Variants in THOC2 observed in about 807,000 individuals in gnomAD.
THOC2 encodes the protein THO complex subunit 2.
THOC2 carries 10 observed loss-of-function variants against 128.4 expected under a neutral mutation model. The ratio of observed to expected loss-of-function variants is 0.08; its 90% confidence interval spans 0.05 to 0.13. The LOEUF (loss-of-function observed/expected upper bound fraction) is 0.13. Among genes scored for constraint, THOC2 ranks in the 10% least tolerant of loss-of-function variants. The pLI is 1.00. For synonymous variants in THOC2, 393 were observed against 396.9 expected, an observed-to-expected ratio of 0.99 and a Z score of 0.12; for missense variants, 535 against 1,155.7, an observed-to-expected ratio of 0.46 and a Z score of 7.79.
intron 8 of THOC2, among the ~76,000 whole-genome samples, chrX:123,675,882 GT>G (rs778177179): frequency 9.0e-6 from 1 of 111,416 alleles, no homozygotes; most frequent in Admixed American, 9.6e-5. Flanking sequence ...TATATTGACA[GT>G]TTTTTTAAAG....
chrX:123,717,600 A>G (rs936742909), intron 1 of THOC2, among the ~76,000 whole-genome samples: 5 of 108,392 alleles, frequency 4.6e-5, no homozygotes, highest in Non-Finnish European at 9.5e-5. Context: ...TGTCCATGCT[A>G]CCCGAAGAGA....
At chrX:123,707,237 T>C (rs1228027327) in intron 2 of THOC2, among the ~76,000 whole-genome samples, 6 of 111,405 alleles carry the variant, frequency 5.4e-5, no homozygotes, top group African/African-American at 1.6e-4. Context: ...ATGCACATCA[T>C]ATAGCATTCT....
intron 7 of THOC2, among the ~76,000 whole-genome samples, chrX:123,695,349 G>T (rs1603307621): frequency 8.9e-6 from 1 of 111,996 alleles, no homozygotes; most frequent in East Asian, 2.8e-4. Flanking sequence ...CTTTTTTACA[G>T]AAGTCAACTA....
At chrX:123,605,376 G>A (rs1374884810) in intron 38 of THOC2, among the ~76,000 whole-genome samples, 1 of 111,526 alleles carries the variant, frequency 9.0e-6, no homozygotes, top group Non-Finnish European at 1.9e-5. Flanking sequence ...GAATATCAGT[G>A]CACAAAACCT....
At chrX:123,685,850 G>T (rs1010363696) in intron 8 of THOC2, among the ~76,000 whole-genome samples, 2 of 110,637 alleles carry the variant, frequency 1.8e-5, no homozygotes, top group African/African-American at 3.3e-5. Context: ...GATGTGCCTT[G>T]AATATTTATT....
At position 123,656,365 on chromosome X, in the gene THOC2, A is replaced by T. The variant is rs1271624026; in HGVS notation, c.1386+9277T>A. Among the ~76,000 whole-genome samples the T allele has an allele frequency of 1.0e-4, 10 of 99,401 alleles. No individual in the cohort carries two copies. In the East Asian group the frequency reaches 2.7e-3, roughly 26 times the overall value. 86.3% of individuals were successfully genotyped at this position (99,401 alleles called of 115,157 possible). A position where few individuals can be genotyped will look rare whatever the true frequency, so the allele number is the denominator to read the frequency against. On this transcript the variant is annotated intron_variant, in intron 12 of 38. Coordinates refer to ENST00000245838, the MANE Select transcript of THOC2 (RefSeq NM_001081550.2). Reference sequence around the variant, plus strand: ...AAAAAAAAAAAAAAGAGAGAGAGAGAGAGAGAGGAACTTATGCTATTTACT... The same window carrying T: ...AAAAAAAAAAAAAAGAGAGAGAGAGTGAGAGAGGAACTTATGCTATTTACT...
At chrX:123,626,375 A>C in intron 24 of THOC2, 146 bp downstream of exon 24, 2 of 601,894 alleles carry the variant, frequency 3.3e-6, no homozygotes, top group Non-Finnish European at 4.9e-6. Context: ...CATGAAGTTG[A>C]TTCTGCATTA....
intron 21 of THOC2, among the ~76,000 whole-genome samples, chrX:123,632,638 A>T (rs2047530624): frequency 9.0e-6 from 1 of 111,389 alleles, no homozygotes; most frequent in Non-Finnish European, 1.9e-5. Flanking sequence ...TTAATGATGT[A>T]ATATTTAATT....
chrX:123,631,569 G>A (rs1169352045), intron 22 of THOC2, 119 bp downstream of exon 22: 16 of 740,583 alleles, frequency 2.2e-5, no homozygotes, highest in Non-Finnish European at 3.2e-5. Context: ...ACAAAGAAGG[G>A]ATCCTAGTTT....
chrX:123,647,490 T>C (rs946593501), intron 12 of THOC2, among the ~76,000 whole-genome samples: 5 of 110,919 alleles, frequency 4.5e-5, no homozygotes, highest in African/African-American at 1.6e-4. Context: ...ATTCCAGGCA[T>C]TGGGAATTCA....
At position 123,621,151 on chromosome X, in the gene THOC2, A is replaced by G; in HGVS notation, c.4216+6T>C. On this transcript the variant is annotated splice_donor_region_variant and intron_variant, in intron 31 of 38. Transcript: ENST00000245838. ...CGTAAGAACGTATAAAGAAAGGTAA[A>G]CTTGCCCCTTTCAGGCTCTGGAATA... 1 of 1,193,392 alleles carries G rather than the reference A, an allele frequency of 8.4e-7. No individual in the cohort carries two copies.
At chrX:123,730,188 T>TG (rs923210368) in intron 1 of THOC2, among the ~76,000 whole-genome samples, 8 of 110,588 alleles carry the variant, frequency 7.2e-5, no homozygotes, top group African/African-American at 2.3e-4. Flanking sequence ...TTTTGTTTTT[T>TG]TTTTTTTTTT....
intron 22 of THOC2, among the ~76,000 whole-genome samples, chrX:123,629,206 A>AACACACACAC (rs754562050): frequency 0.099 from 8,101 of 81,818 alleles, 428 homozygotes; most frequent in Middle Eastern, 0.15. Flanking sequence ...ATTATACATG[A>AACACACACAC]ACACACACAC....
At position 123,671,012 on chromosome X, in the gene THOC2, A is replaced by G. The variant is rs2049257332; in HGVS notation, c.861+657T>C. Reference sequence around the variant, plus strand: ...TTTAAATTAATAGATATCCTAATACAAAACCTAATAGAAGAGGAATTTATA... The same window carrying G: ...TTTAAATTAATAGATATCCTAATACGAAACCTAATAGAAGAGGAATTTATA... On this transcript the variant is annotated intron_variant, in intron 9 of 38. Transcript: ENST00000245838. Among the ~76,000 whole-genome samples the G allele has an allele frequency of 4.5e-5, 5 of 111,432 alleles. No homozygotes were observed. In the South Asian group the frequency reaches 1.9e-3, roughly 42 times the overall value.
chrX:123,688,756 C>G (rs1433647369), intron 7 of THOC2, among the ~76,000 whole-genome samples: 2 of 111,307 alleles, frequency 1.8e-5, no homozygotes, highest in African/African-American at 6.5e-5. Context: ...TATGTTAAAA[C>G]TCAAATTGCA....
chrX:123,726,512 C>CAAAAAAAAA (rs567231605), intron 1 of THOC2, among the ~76,000 whole-genome samples: 9 of 52,602 alleles, frequency 1.7e-4, no homozygotes, highest in African/African-American at 6.0e-4. Flanking sequence ...GACCCTGTCT[C>CAAAAAAAAA]AAAAAAAAAA....
rs190657478 is a variant in THOC2, at chrX:123,728,339, C to T, written c.71+4613G>A. ...ACCCTACCTAAACGTTAGAGCATTA[C>T]AGAATAATTTTTTTTAACAAACAAA... On this transcript the variant is annotated intron_variant, in intron 1 of 38. Transcript: ENST00000245838. Among the ~76,000 whole-genome samples, 782 of 111,141 alleles carry T rather than the reference C, an allele frequency of 7.0e-3. 1 individual carries two copies. Among genetic ancestry groups the T allele is most frequent in the Non-Finnish European group, 0.012 (619 of 52,990 alleles).
At chrX:123,647,464 T>A (rs1569367165) in intron 12 of THOC2, among the ~76,000 whole-genome samples, 1 of 111,236 alleles carries the variant, frequency 9.0e-6, no homozygotes, top group Non-Finnish European at 1.9e-5. Flanking sequence ...CATTCATTCA[T>A]TCATTCAATG....
At chrX:123,677,221 A>T (rs983439453) in intron 8 of THOC2, among the ~76,000 whole-genome samples, 2 of 111,692 alleles carry the variant, frequency 1.8e-5, no homozygotes, top group Non-Finnish European at 3.8e-5. Context: ...GGTATAAAAT[A>T]TTTAAAATGG....
Sources: gnomAD v4.1 joint callset for allele counts (sites outside exome capture counted in the v4.1 genomes callset) on GRCh38, gnomAD v4.1.1 for gene constraint, MANE v1.5 for transcripts, NCBI Gene and HGNC (gene_info 2026-07-23, HGNC 2026-07-21) for gene names.